The following GNAL variants were observed in gnomAD, a reference collection of about 807,000 sequenced individuals.
GNAL encodes the protein guanine nucleotide-binding protein G(olf) subunit alpha.
A neutral mutation model predicts 55.1 loss-of-function variants in GNAL; 18 were observed. The ratio of observed to expected loss-of-function variants is 0.33; its 90% CI spans 0.23 to 0.48. The LOEUF (loss-of-function observed/expected upper bound fraction) is 0.48, where lower values mean the gene tolerates loss of function less well. Among genes scored for constraint, GNAL ranks in the 20% least tolerant of loss-of-function variants. The pLI is 0.99. For missense variants in GNAL, 412 were observed against 614.1 expected, an observed-to-expected ratio of 0.67 and a Z score of 3.48; for synonymous variants, 253 against 237.0, an observed-to-expected ratio of 1.07 and a Z score of -0.62.
In GNAL at chr18:11,876,624, C is replaced by T. The variant is rs770612979; in HGVS notation, c.1166C>T (p.Thr389Ile). The T allele has an allele frequency of 6.3e-7, 1 of 1,582,760 alleles. No homozygotes were observed. Among genetic ancestry groups the T allele is most frequent in the Non-Finnish European group, 8.7e-7 (1 of 1,151,332 alleles). Residue 389 changes from threonine to isoleucine, a missense_variant, in exon 11 of 12, where the codon ACA becomes ATA. Physicochemically the swap from Thr to Ile is moderately conservative, Grantham distance 89. This residue lies in a region of GNAL where 79 missense variants were observed against 127.1 expected (regional missense o/e 0.62). Coordinates refer to ENST00000334049, the MANE Select transcript of GNAL (RefSeq NM_182978.4). ...GTTCCATTTGTCATTTCTACAGCAA[C>T]ACCAGATGCAGGAGAAGATCCCAAA... ...YANYTVPEDA[T>I]PDAGEDPKVT... is the part of the protein sequence containing the mutation.
chr18:11,768,909 T>A lies in GNAL; in HGVS notation c.624+14964T>A, dbSNP rs571354575. On this transcript the variant is annotated intron_variant, in intron 4 of 11. Transcript: ENST00000334049. ...ACTCTGTCTCAAAAAAAAAAAAAAA[T>A]ATATATATAACATATTATTATATAT... 6.7e-4 allele frequency among the ~76,000 whole-genome samples: 86 copies of A among 129,100 alleles called. 2 individuals carry two copies. The highest frequency in any genetic ancestry group is 3.1e-3 in the East Asian group (15 of 4,812). The allele number at this position is 129,100 out of a possible 152,430, so 84.7% of individuals were successfully genotyped here. A position where few individuals can be genotyped will look rare whatever the true frequency, so the allele number is the denominator to read the frequency against.
At chr18:11,806,102 T>C (rs1252771306) in intron 4 of GNAL, among the ~76,000 whole-genome samples, 2 of 152,364 alleles carry the variant, frequency 1.3e-5, no homozygotes, top group East Asian at 3.9e-4. Context: ...TGATTAGTTA[T>C]GTTGAGCATT....
intron 5 of GNAL, chr18:11,857,629 T>TG: frequency 1.0e-6 from 1 of 985,428 alleles, no homozygotes; most frequent in Non-Finnish European, 1.2e-6. Context: ...CGAGTCACCA[T>TG]GAATCACTGA....
chr18:11,723,856 T>TC (rs970450341), intron 1 of GNAL, among the ~76,000 whole-genome samples: 11 of 152,108 alleles, frequency 7.2e-5, no homozygotes, highest in Non-Finnish European at 1.0e-4. Context: ...GTGGCACCTC[T>TC]CCCCCACTCT....
At chr18:11,788,912 A>ATATAT (rs1485147640) in intron 4 of GNAL, among the ~76,000 whole-genome samples, 108 of 68,722 alleles carry the variant, frequency 1.6e-3, no homozygotes, top group Middle Eastern at 9.6e-3. Context: ...AAAAAAAAAA[A>ATATAT]AAATATATAT....
At position 11,884,938 on chromosome 18, in the gene GNAL, C is replaced by A; in HGVS notation, c.*3803C>A. On this transcript the variant is annotated 3_prime_UTR_variant, in exon 12 of 12. Coordinates refer to ENST00000334049, the MANE Select transcript of GNAL (RefSeq NM_182978.4). ...ATCAAATATAGTGGGGGATCCATAA[C>A]AGAGATTCAGAGAGGCACCGTGGAG... is the stretch of plus-strand genomic sequence containing the variant. The A allele has an allele frequency of 7.8e-7, 1 of 1,287,234 alleles. No individual in the cohort carries two copies. The highest frequency in any genetic ancestry group is 1.5e-5 in the African/African-American group (1 of 65,896). 79.7% of individuals were successfully genotyped at this position (1,287,234 alleles called of 1,614,324 possible).
Position 11,751,793 on chromosome 18 carries a change from C to A in GNAL, c.377-1060C>A. ...AGCGCCTCTCCGAGAGCTCCGGGAC[C>A]AGCGGCCCGGCCGCCCCCAAAGCCA... is the stretch of plus-strand genomic sequence containing the variant. On this transcript the variant is annotated intron_variant, in intron 1 of 11. Coordinates refer to ENST00000334049, the MANE Select transcript of GNAL (RefSeq NM_182978.4). The surrounding 1 kb of genome is among the most constrained non-coding windows in gnomAD (Gnocchi z 4.5). 1 of 396,300 alleles carries A rather than the reference C, an allele frequency of 2.5e-6. No homozygotes were observed. Among genetic ancestry groups the A allele is most frequent in the Non-Finnish European group, 3.4e-6 (1 of 291,252 alleles). The allele number at this position is 396,300 out of a possible 1,614,324, so 24.5% of individuals were successfully genotyped here.
intron 4 of GNAL, among the ~76,000 whole-genome samples, chr18:11,756,055 C>T (rs1253192723): frequency 1.3e-5 from 2 of 152,176 alleles, no homozygotes; most frequent in African/African-American, 4.8e-5. Context: ...CTATTCTTAA[C>T]ATCTAGTGAG....
At chr18:11,844,722 C>G (rs1006554220) in intron 5 of GNAL, among the ~76,000 whole-genome samples, 1 of 152,172 alleles carries the variant, frequency 6.6e-6, no homozygotes, top group East Asian at 1.9e-4. Flanking sequence ...GGGAAGAGCT[C>G]CTGACTTCTC....
intron 1 of GNAL, among the ~76,000 whole-genome samples, chr18:11,733,713 G>A (rs941585560): frequency 6.6e-6 from 1 of 152,086 alleles, no homozygotes; most frequent in East Asian, 1.9e-4. Flanking sequence ...ATGTGTGCAC[G>A]CGGACACAGG....
chr18:11,743,885 C>T (rs981219248), intron 1 of GNAL, among the ~76,000 whole-genome samples: 3 of 152,200 alleles, frequency 2.0e-5, no homozygotes, highest in Non-Finnish European at 1.5e-5. Flanking sequence ...CACCAGTGGT[C>T]CCCACACCTA....
Position 11,865,598 on chromosome 18 carries a change from A to T in GNAL, c.851+992A>T, listed in dbSNP as rs935305103. Reference sequence around the variant, plus strand: ...GACCCTGTCTCTACCAAAAAAAAAAAAAAAAAATTAGCCAAGCTTGATGGC... The same window carrying T: ...GACCCTGTCTCTACCAAAAAAAAAATAAAAAAATTAGCCAAGCTTGATGGC... On this transcript the variant is annotated intron_variant, in intron 7 of 11. Coordinates refer to ENST00000334049, the MANE Select transcript of GNAL (RefSeq NM_182978.4). Among the ~76,000 whole-genome samples, 4 of 148,124 alleles carry T rather than the reference A, an allele frequency of 2.7e-5. No individual in the cohort carries two copies. In the East Asian group the frequency reaches 7.8e-4, roughly 29 times the overall value.
rs2036726935 is a variant in GNAL at position 11,882,626 on chromosome 18, C to CAGTG, written c.*1494_*1497dup. 2 of 135,578 alleles carry CAGTG rather than the reference C, an allele frequency of 1.5e-5. No individual in the cohort carries two copies. Among genetic ancestry groups the CAGTG allele is most frequent in the Non-Finnish European group, 3.0e-5 (2 of 66,376 alleles). The allele number at this position is 135,578 out of a possible 1,614,324, so 8.4% of individuals were successfully genotyped here. Reference sequence around the variant, plus strand: ...TCTTGAACCTGGGAGGTGGAGATTGCAGTGAGCCGAGGTCGTGCCATCGCA... The same window carrying CAGTG: ...TCTTGAACCTGGGAGGTGGAGATTGCAGTGAGTGAGCCGAGGTCGTGCCATCGCA... On this transcript the variant is annotated 3_prime_UTR_variant, in exon 12 of 12. Transcript: ENST00000334049.
chr18:11,738,595 C>G (rs1054570240), intron 1 of GNAL, among the ~76,000 whole-genome samples: 2 of 152,090 alleles, frequency 1.3e-5, no homozygotes, highest in Non-Finnish European at 2.9e-5. Flanking sequence ...TTACAGGCGC[C>G]CACCACCACA....
intron 1 of GNAL, among the ~76,000 whole-genome samples, chr18:11,709,330 T>TAAAAA (rs56700086): frequency 7.2e-6 from 1 of 138,356 alleles, no homozygotes; most frequent in South Asian, 2.3e-4. Flanking sequence ...TCTATTTTTG[T>TAAAAA]AAAAAAAAAA....
chr18:11,796,299 C>T (rs966514019), intron 4 of GNAL, among the ~76,000 whole-genome samples: 6 of 152,132 alleles, frequency 3.9e-5, no homozygotes, highest in South Asian at 2.1e-4. Context: ...TCCACTGGGC[C>T]GGGCGCAGTG....
intron 5 of GNAL, among the ~76,000 whole-genome samples, chr18:11,837,482 A>G (rs2035522310): frequency 6.6e-6 from 1 of 152,256 alleles, no homozygotes; most frequent in South Asian, 2.1e-4. Context: ...TCTCCCAAGT[A>G]AGATAGATGA....
intron 5 of GNAL, among the ~76,000 whole-genome samples, chr18:11,846,462 T>TACACACACACAC (rs1357598485): frequency 4.0e-4 from 8 of 20,196 alleles, no homozygotes; most frequent in Admixed American, 2.2e-3. Context: ...TATATATAAA[T>TACACACACACAC]ATACACACAC....
At chr18:11,764,032 G>A (rs1598437360) in intron 4 of GNAL, among the ~76,000 whole-genome samples, 1 of 152,180 alleles carries the variant, frequency 6.6e-6, no homozygotes, top group Admixed American at 6.5e-5. Flanking sequence ...CTATATAGAT[G>A]CCCTTTTTCC....
Sources: allele counts gnomAD v4.1 joint callset (sites outside exome capture counted in the v4.1 genomes callset), GRCh38; gene constraint gnomAD v4.1.1; regional missense constraint gnomAD v4.1.1; non-coding constraint Gnocchi (gnomAD v3.1); transcripts MANE v1.5; gene names NCBI Gene and HGNC (gene_info 2026-07-23, HGNC 2026-07-21).